Variants in KANSL1 observed in about 807,000 individuals in gnomAD.
The protein encoded by KANSL1 is KAT8 regulatory NSL complex subunit 1.
KANSL1 carries 22 observed loss-of-function variants against 103.6 expected under a neutral mutation model. The ratio of observed to expected loss-of-function variants is 0.21; its 90% CI spans 0.15 to 0.30. The LOEUF (loss-of-function observed/expected upper bound fraction) is 0.30. KANSL1 is among the 10% of genes least tolerant of loss of function. The pLI is 1.00. For missense variants in KANSL1, 1,337 were observed against 1,399.8 expected (o/e 0.96, Z 0.72); for synonymous variants, 600 against 527.6 (o/e 1.14, Z -1.88).
At chr17:46,093,167 T>C (rs2146935107) in intron 3 of KANSL1, 1 of 152,304 alleles carries the variant, frequency 6.6e-6, no homozygotes, top group South Asian at 2.1e-4. Flanking sequence ...TGAAGAGGTG[T>C]CTCTGATAGA....
intron 3 of KANSL1, among the ~76,000 whole-genome samples, chr17:46,087,358 CTAATT>C (rs1464079588): frequency 1.3e-5 from 2 of 152,180 alleles, no homozygotes; most frequent in African/African-American, 2.4e-5. Context: ...ACTGGATCCT[CTAATT>C]TAATACTGTA....
At chr17:46,062,109 AC>A (rs371902681) in intron 6 of KANSL1, among the ~76,000 whole-genome samples, 749 of 36,648 alleles carry the variant, frequency 0.02, 11 homozygotes, top group African/African-American at 0.047. Flanking sequence ...AAAAAAAAAA[AC>A]AAACAAACAA....
chr17:46,098,816 T>A (rs879559041), intron 2 of KANSL1, among the ~76,000 whole-genome samples: 4 of 152,200 alleles, frequency 2.6e-5, no homozygotes, highest in African/African-American at 4.8e-5. Context: ...TCATCTCCAA[T>A]GAAAAATGGA....
intron 4 of KANSL1, 76 bp from the exon 5 acceptor site, chr17:46,067,743 T>G (rs1031965412): frequency 2.7e-6 from 2 of 754,000 alleles, no homozygotes; most frequent in Non-Finnish European, 4.7e-6. Context: ...ACCACTTCAT[T>G]TGCACAAAGC....
intron 6 of KANSL1, among the ~76,000 whole-genome samples, chr17:46,052,739 G>C (rs1267099398): frequency 6.7e-6 from 1 of 148,304 alleles, no homozygotes; most frequent in Non-Finnish European, 1.5e-5. Context: ...CCAGGAGTCT[G>C]AGACTAGCCT....
Position 46,050,648 on chromosome 17 carries a change from C to G in KANSL1, c.1905G>C (p.Leu635=). Residue 635 remains leucine, a synonymous_variant, in exon 7 of 15, where the codon CTG becomes CTC. Coordinates refer to ENST00000432791, the MANE Select transcript of KANSL1 (RefSeq NM_015443.4). ...PGCDVNPSCA[L]CGSGSINTMP... is the part of the protein sequence containing the mutation. ...TGGTGTTGATGCTGCCTGAACCACA[C>G]AGTGCGCAGGAGGGATTCACATCAC... 6.2e-7 allele frequency: 1 copy of G among 1,614,170 alleles called. No individual in the cohort carries two copies. Among genetic ancestry groups the G allele is most frequent in the Non-Finnish European group, 8.5e-7 (1 of 1,180,024 alleles).
chr17:46,156,571 A>AC (rs1321415033), intron 2 of KANSL1, among the ~76,000 whole-genome samples: 5 of 152,248 alleles, frequency 3.3e-5, no homozygotes, highest in Non-Finnish European at 5.9e-5. Context: ...AATACTTAGT[A>AC]CACAATGCCT....
At chr17:46,212,684 T>A (rs554137930) in intron 1 of KANSL1, among the ~76,000 whole-genome samples, 1 of 152,346 alleles carries the variant, frequency 6.6e-6, no homozygotes, top group East Asian at 1.9e-4. Context: ...TTTCTATGTA[T>A]CTTAATTTTT....
intron 2 of KANSL1, among the ~76,000 whole-genome samples, chr17:46,147,770 T>A (rs187942104): frequency 3.3e-5 from 5 of 152,322 alleles, no homozygotes; most frequent in Admixed American, 1.3e-4. Flanking sequence ...GTTCTCCACA[T>A]GAGGCAACTG....
intron 6 of KANSL1, among the ~76,000 whole-genome samples, chr17:46,058,325 A>G (rs2078003903): frequency 6.6e-6 from 1 of 152,226 alleles, no homozygotes; most frequent in Non-Finnish European, 1.5e-5. Flanking sequence ...TGACCAGCCA[A>G]AGTTGCATAG....
At chr17:46,206,157 G>C (rs2047964412) in intron 1 of KANSL1, among the ~76,000 whole-genome samples, 1 of 150,164 alleles carries the variant, frequency 6.7e-6, no homozygotes. Context: ...ATACAACTCT[G>C]TTAAAATGGC....
intron 2 of KANSL1, among the ~76,000 whole-genome samples, chr17:46,097,073 C>A (rs2042118997): frequency 6.6e-6 from 1 of 152,220 alleles, no homozygotes; most frequent in South Asian, 2.1e-4. Context: ...ACACATTCCT[C>A]TGCATAAGGA....
chr17:46,100,538 A>G (rs2042267777), intron 2 of KANSL1, among the ~76,000 whole-genome samples: 1 of 152,070 alleles, frequency 6.6e-6, no homozygotes, highest in Non-Finnish European at 1.5e-5. Flanking sequence ...GGTTCAGCTT[A>G]CATGTTGGCT....
intron 4 of KANSL1, among the ~76,000 whole-genome samples, chr17:46,072,128 G>A (rs191695232): frequency 1.3e-5 from 2 of 152,134 alleles, no homozygotes; most frequent in Admixed American, 6.6e-5. Context: ...GTGACAAAGA[G>A]GCCTTGAATG....
intron 3 of KANSL1, chr17:46,088,380 TAA>T (rs2146886141): frequency 6.6e-6 from 1 of 152,406 alleles, no homozygotes; most frequent in Non-Finnish European, 1.5e-5. Context: ...CTGGAAAAGA[TAA>T]GTTGTCTAAA....
intron 2 of KANSL1, among the ~76,000 whole-genome samples, chr17:46,114,372 C>CA (rs919524643): frequency 6.8e-6 from 1 of 147,154 alleles, no homozygotes; most frequent in Non-Finnish European, 1.5e-5. Context: ...AAAACAAAAA[C>CA]AAAAAAACTA....
intron 2 of KANSL1, among the ~76,000 whole-genome samples, chr17:46,099,754 C>T (rs1242286125): frequency 2.6e-5 from 4 of 152,194 alleles, no homozygotes; most frequent in Admixed American, 2.0e-4. Context: ...CTAGTCCATA[C>T]AAAAACATGT....
intron 1 of KANSL1, among the ~76,000 whole-genome samples, chr17:46,187,350 G>T (rs900629078): frequency 2.6e-5 from 4 of 152,210 alleles, no homozygotes; most frequent in African/African-American, 9.7e-5. Context: ...CATTAAGTTT[G>T]ATGTCACTCA....
chr17:46,194,931 C>T (rs1200288484), upstream of KANSL1, among the ~76,000 whole-genome samples: 1 of 152,254 alleles, frequency 6.6e-6, no homozygotes, highest in African/African-American at 2.4e-5. Context: ...ATCACACTCT[C>T]AAGCATAGTC....
Sources: allele counts gnomAD v4.1 joint callset (sites outside exome capture counted in the v4.1 genomes callset), GRCh38; gene constraint gnomAD v4.1.1; transcripts MANE v1.5; gene names NCBI Gene and HGNC (gene_info 2026-07-23, HGNC 2026-07-21).